The following NCKAP5 variants were observed in gnomAD, a reference collection of about 807,000 sequenced individuals.
NCKAP5 encodes NCK associated protein 5, also known as nck-associated protein 5.
Under a neutral mutation model 167.0 loss-of-function variants are expected in NCKAP5, and 92 were observed. That is an observed-to-expected ratio of 0.55 (90% confidence interval 0.47 to 0.66). The LOEUF (loss-of-function observed/expected upper bound fraction) is 0.66. Among genes scored for constraint, NCKAP5 ranks in the 30% least tolerant of loss-of-function variants. The probability of loss-of-function intolerance (pLI) is 0.00; values close to 1 mark genes in which losing one functional copy is unlikely to be tolerated. For synonymous variants in NCKAP5, 891 were observed against 877.4 expected (o/e 1.02, Z -0.27); for missense variants, 2,378 against 2,315.0 (o/e 1.03, Z -0.56).
chr2:133,239,820 C>A lies in NCKAP5; in HGVS notation c.144-26041G>T, dbSNP rs145072386. ...TTATACAGCTTGCTAGCACTTGTTC[C>A]ATTTTTAAGAACAAATGTTCAGACT... On this transcript the variant is annotated intron_variant, in intron 4 of 19. Transcript: ENST00000409261. Among the ~76,000 whole-genome samples, 774 of 152,300 alleles carry A rather than the reference C, an allele frequency of 5.1e-3. 24 individuals carry two copies. Among genetic ancestry groups the A allele is most frequent in the Admixed American group, 0.044 (674 of 15,298 alleles).
At chr2:132,912,903 G>T (rs1355750567) in intron 8 of NCKAP5, among the ~76,000 whole-genome samples, 2 of 151,870 alleles carry the variant, frequency 1.3e-5, no homozygotes, top group Non-Finnish European at 2.9e-5. Context: ...AAATGATATA[G>T]AATTTTTTTC....
intron 7 of NCKAP5, 39 bp from the exon 8 acceptor site, chr2:132,963,908 G>T: frequency 1.2e-6 from 2 of 1,607,474 alleles, no homozygotes; most frequent in East Asian, 2.2e-5. Flanking sequence ...ATAATCTCCA[G>T]TGAAAAATAA....
intron 6 of NCKAP5, among the ~76,000 whole-genome samples, chr2:133,076,498 C>T (rs968285612): frequency 6.6e-6 from 1 of 152,138 alleles, no homozygotes; most frequent in African/African-American, 2.4e-5. Flanking sequence ...ATTTTAAATT[C>T]AAAGTTCAAT....
At chr2:132,957,470 G>A (rs1477606685) in intron 8 of NCKAP5, among the ~76,000 whole-genome samples, 1 of 151,994 alleles carries the variant, frequency 6.6e-6, no homozygotes, top group East Asian at 1.9e-4. Flanking sequence ...CAACCTTCTG[G>A]GGCTCACTTT....
intron 6 of NCKAP5, among the ~76,000 whole-genome samples, chr2:133,111,227 A>G (rs537606354): frequency 2.5e-4 from 38 of 152,272 alleles, no homozygotes; most frequent in African/African-American, 7.7e-4. Context: ...ATTTAAGTGA[A>G]GGTGAATTTG....
intron 19 of NCKAP5, among the ~76,000 whole-genome samples, chr2:132,709,309 A>C (rs1271130377): frequency 2.0e-5 from 3 of 152,168 alleles, no homozygotes; most frequent in African/African-American, 7.2e-5. Context: ...TAAAAGAAGA[A>C]TAAGATAACA....
At chr2:132,809,938 G>A (rs1208388412) in intron 11 of NCKAP5, among the ~76,000 whole-genome samples, 1 of 152,152 alleles carries the variant, frequency 6.6e-6, no homozygotes. Flanking sequence ...TTTGTTTCAA[G>A]ATTTAGAGCT....
chr2:133,209,590 T>G (rs2086115473), intron 5 of NCKAP5, among the ~76,000 whole-genome samples: 1 of 151,682 alleles, frequency 6.6e-6, no homozygotes. Flanking sequence ...ACATATGCGC[T>G]CACTTAGCCA....
chr2:133,399,385 T>TA lies in NCKAP5; in HGVS notation c.70-96276dup, dbSNP rs5834357. 6.3e-3 allele frequency among the ~76,000 whole-genome samples: 870 copies of TA among 139,110 alleles called. 5 individuals carry two copies. The highest frequency in any genetic ancestry group is 0.018 in the Middle Eastern group (5 of 276). The allele number at this position is 139,110 out of a possible 152,430, so 91.3% of individuals were successfully genotyped here. A position where few individuals can be genotyped will look rare whatever the true frequency, so the allele number is the denominator to read the frequency against. On this transcript the variant is annotated intron_variant, in intron 3 of 19. Transcript: ENST00000409261. ...AAGAATGACTCATTGACCCTAAGAT[T>TA]AAAAAAAAAAAACAAAACATAAAAC... is the stretch of plus-strand genomic sequence containing the variant.
At chr2:132,889,290 A>C (rs1692492373) in intron 8 of NCKAP5, among the ~76,000 whole-genome samples, 1 of 152,208 alleles carries the variant, frequency 6.6e-6, no homozygotes, top group African/African-American at 2.4e-5. Context: ...TGTTATTTTA[A>C]GCCTCAAAGT....
At chr2:132,796,793 C>T in intron 11 of NCKAP5, 64 bp from the exon 12 acceptor site, 3 of 1,145,680 alleles carry the variant, frequency 2.6e-6, no homozygotes, top group Non-Finnish European at 3.8e-6. Context: ...AAAATCCTGC[C>T]TTGGACAGTT....
At chr2:133,375,377 T>A (rs1007834895) in intron 3 of NCKAP5, among the ~76,000 whole-genome samples, 1 of 152,222 alleles carries the variant, frequency 6.6e-6, no homozygotes, top group Admixed American at 6.5e-5. Context: ...CTGGACTATA[T>A]TTAAATGTCT....
At chr2:132,768,275 C>G (rs1276148080) in intron 16 of NCKAP5, among the ~76,000 whole-genome samples, 1 of 152,146 alleles carries the variant, frequency 6.6e-6, no homozygotes, top group Non-Finnish European at 1.5e-5. Context: ...GACATTTTCT[C>G]CTCTTTATAA....
intron 6 of NCKAP5, among the ~76,000 whole-genome samples, chr2:133,129,350 G>GT (rs2082516903): frequency 1.3e-5 from 2 of 151,926 alleles, no homozygotes; most frequent in South Asian, 2.1e-4. Flanking sequence ...GTGGTATTTG[G>GT]TTTTTTGTCC....
intron 6 of NCKAP5, among the ~76,000 whole-genome samples, chr2:133,109,241 T>A (rs1318144926): frequency 6.6e-6 from 1 of 152,232 alleles, no homozygotes; most frequent in Non-Finnish European, 1.5e-5. Context: ...TAGGGCTACA[T>A]AGTCAAACCT....
At chr2:132,945,075 C>T (rs556374629) in intron 8 of NCKAP5, among the ~76,000 whole-genome samples, 26 of 152,180 alleles carry the variant, frequency 1.7e-4, no homozygotes, top group Non-Finnish European at 2.9e-4. Flanking sequence ...TGGCCCCAAG[C>T]GGGTTGAGTT....
intron 11 of NCKAP5, among the ~76,000 whole-genome samples, chr2:132,805,457 CA>C (rs1158119370): frequency 6.6e-6 from 1 of 152,098 alleles, no homozygotes; most frequent in Non-Finnish European, 1.5e-5. Flanking sequence ...CCTCTAAATA[CA>C]ATGTGATATC....
chr2:132,694,235 C>A (rs1012038513), intron 19 of NCKAP5, among the ~76,000 whole-genome samples: 4 of 151,490 alleles, frequency 2.6e-5, no homozygotes, highest in African/African-American at 9.7e-5. Flanking sequence ...TACATTAATT[C>A]TCTAAAATAT....
intron 9 of NCKAP5, among the ~76,000 whole-genome samples, 173 bp downstream of exon 9, chr2:132,878,675 C>T (rs918601300): frequency 6.6e-6 from 1 of 151,088 alleles, no homozygotes; most frequent in African/African-American, 2.4e-5. Flanking sequence ...CACACACACA[C>T]ACCGCCCACA....
Sources: gnomAD v4.1 joint callset for allele counts (sites outside exome capture counted in the v4.1 genomes callset) on GRCh38, gnomAD v4.1.1 for gene constraint, MANE v1.5 for transcripts, NCBI Gene and HGNC (gene_info 2026-07-23, HGNC 2026-07-21) for gene names.